Variants in BLTP3B observed in about 807,000 individuals in gnomAD.
BLTP3B encodes the protein UHRF1 (ICBP90) binding protein 1-like.
the BLTP3B span, among the ~76,000 whole-genome samples, chr12:100,140,729 A>AAAAAAAATATATATATAT: frequency 1.6e-5 from 1 of 61,488 alleles, no homozygotes. Context: ...AAAAAAAAAA[A>AAAAAAAATATATATATAT]ATATATATAT....
At chr12:100,065,736 C>A in the BLTP3B span, among the ~76,000 whole-genome samples, 1 of 152,144 alleles carries the variant, frequency 6.6e-6, no homozygotes, top group Non-Finnish European at 1.5e-5. Context: ...TGAACATAGA[C>A]CCTTATTAGG....
the BLTP3B span, among the ~76,000 whole-genome samples, chr12:100,061,680 A>T: frequency 5.9e-5 from 9 of 151,836 alleles, no homozygotes; most frequent in East Asian, 1.4e-3. Context: ...AAAAAAAGAA[A>T]GATCTATATG....
At chr12:100,065,557 T>C in the BLTP3B span, among the ~76,000 whole-genome samples, 9 of 152,306 alleles carry the variant, frequency 5.9e-5, no homozygotes, top group Admixed American at 5.9e-4. Context: ...GTCTGTCTTA[T>C]GCGGTTGAGA....
chr12:100,085,804 T>C, the BLTP3B span, among the ~76,000 whole-genome samples: 1 of 152,120 alleles, frequency 6.6e-6, no homozygotes, highest in Non-Finnish European at 1.5e-5. Context: ...CAATACCAGA[T>C]TGTTAAGAGC....
the BLTP3B span, chr12:100,095,734 T>A: frequency 1.2e-6 from 2 of 1,613,810 alleles, no homozygotes; most frequent in Non-Finnish European, 8.5e-7. Context: ...ACTAAGAGAC[T>A]TTGCATATTG....
chr12:100,130,336 T>C, the BLTP3B span, among the ~76,000 whole-genome samples: 4 of 152,234 alleles, frequency 2.6e-5, no homozygotes, highest in Non-Finnish European at 4.4e-5. Context: ...TAAGGTTGCA[T>C]AGCGTTTTGC....
the BLTP3B span, among the ~76,000 whole-genome samples, chr12:100,041,425 GTTACTTTTTTTT>G: frequency 8.5e-6 from 1 of 118,114 alleles, no homozygotes; most frequent in African/African-American, 3.5e-5. Flanking sequence ...GTCTGCTATT[GTTACTTTTTTTT>G]TTTTTTTTTT....
the BLTP3B span, among the ~76,000 whole-genome samples, chr12:100,068,626 AT>A: frequency 6.6e-6 from 1 of 152,236 alleles, no homozygotes; most frequent in South Asian, 2.1e-4. Flanking sequence ...AGAAGCTACA[AT>A]GAACTCAAAT....
chr12:100,123,505 G>A, the BLTP3B span, among the ~76,000 whole-genome samples: 2 of 152,050 alleles, frequency 1.3e-5, no homozygotes, highest in Non-Finnish European at 2.9e-5. Context: ...CTCTAATTCA[G>A]TTCAGACACT....
At chr12:100,101,472 C>A in the BLTP3B span, among the ~76,000 whole-genome samples, 1 of 152,140 alleles carries the variant, frequency 6.6e-6, no homozygotes, top group Non-Finnish European at 1.5e-5. Context: ...ATGTTCAGAG[C>A]TGCTATTTTA....
At chr12:100,104,859 C>T in the BLTP3B span, among the ~76,000 whole-genome samples, 6 of 135,074 alleles carry the variant, frequency 4.4e-5, no homozygotes, top group Non-Finnish European at 7.6e-5. Context: ...GAACTCAATC[C>T]CTTTTACAAT....
chr12:100,105,666 G>A, the BLTP3B span, among the ~76,000 whole-genome samples: 2 of 152,012 alleles, frequency 1.3e-5, no homozygotes, highest in Non-Finnish European at 2.9e-5. Context: ...AAAAGCAAAT[G>A]CAACAAAAAT....
chr12:100,039,978 C>T, the BLTP3B span, among the ~76,000 whole-genome samples: 2 of 152,120 alleles, frequency 1.3e-5, no homozygotes, highest in South Asian at 4.1e-4. Context: ...ATAAACTTTT[C>T]TTCCTAAGAA....
At chr12:100,133,059 C>T in the BLTP3B span, among the ~76,000 whole-genome samples, 5 of 152,134 alleles carry the variant, frequency 3.3e-5, no homozygotes, top group East Asian at 1.9e-4. Flanking sequence ...CTGGCTAACA[C>T]GGTGAAACCC....
the BLTP3B span, among the ~76,000 whole-genome samples, chr12:100,094,602 A>T: frequency 6.6e-6 from 1 of 152,214 alleles, no homozygotes; most frequent in East Asian, 1.9e-4. Context: ...CACACCTGTA[A>T]TCCCAGCATT....
At chr12:100,116,888 A>G in the BLTP3B span, among the ~76,000 whole-genome samples, 8 of 152,360 alleles carry the variant, frequency 5.3e-5, no homozygotes, top group South Asian at 1.7e-3. Flanking sequence ...GAGTGTAGCA[A>G]TGTTGCAGGA....
chr12:100,069,866 A>T, the BLTP3B span: 28 of 809,048 alleles, frequency 3.5e-5, no homozygotes, highest in Middle Eastern at 1.3e-3. Flanking sequence ...GAAATAAAAA[A>T]TTTTTTTAAA....
chr12:100,082,074 A>G, the BLTP3B span, among the ~76,000 whole-genome samples: 571 of 151,938 alleles, frequency 3.8e-3, 5 homozygotes, highest in Admixed American at 4.1e-3. Flanking sequence ...ACCAACATCT[A>G]TTTTTTTGTG....
the BLTP3B span, chr12:100,060,192 G>T: frequency 3.2e-6 from 2 of 625,638 alleles, no homozygotes; most frequent in Non-Finnish European, 2.5e-6. Flanking sequence ...TGATACATTG[G>T]AATGATAACA....
Sources: allele counts gnomAD v4.1 joint callset (sites outside exome capture counted in the v4.1 genomes callset), GRCh38; gene constraint gnomAD v4.1.1; transcripts MANE v1.5; gene names NCBI Gene and HGNC (gene_info 2026-07-23, HGNC 2026-07-21).